The following EPB41L5 variants were observed in gnomAD, a reference collection of about 807,000 sequenced individuals.
EPB41L5 encodes the protein erythrocyte membrane protein band 4.1 like 5, also known as band 4.1-like protein 5.
EPB41L5 carries 55 observed loss-of-function variants against 106.6 expected under a neutral mutation model. The observed-to-expected ratio is 0.52, with a 90% CI of 0.42 to 0.65. EPB41L5 has a LOEUF of 0.65. Ranked by LOEUF, EPB41L5 falls within the 30% of genes least tolerant of loss-of-function variation. The pLI is 0.00. For missense variants in EPB41L5, 871 were observed against 882.1 expected (o/e 0.99, Z 0.16); for synonymous variants, 297 against 306.7 (o/e 0.97, Z 0.33).
At chr2:120,075,050 A>C (rs1164915278) in intron 5 of EPB41L5, among the ~76,000 whole-genome samples, 4 of 151,128 alleles carry the variant, frequency 2.6e-5, no homozygotes. Context: ...CTGGTCTTGA[A>C]CTCCTGGCCT....
intron 16 of EPB41L5, among the ~76,000 whole-genome samples, chr2:120,116,763 A>G (rs575819329): frequency 6.6e-6 from 1 of 152,170 alleles, no homozygotes; most frequent in East Asian, 1.9e-4. Flanking sequence ...CCTGAGCTCA[A>G]GTGATCCTCC....
chr2:120,064,256 C>A (rs1681292339), intron 3 of EPB41L5, among the ~76,000 whole-genome samples: 1 of 152,202 alleles, frequency 6.6e-6, no homozygotes, highest in Non-Finnish European at 1.5e-5. Context: ...AGAGCATAAA[C>A]CTCTACTCAC....
rs544300011 is a variant in EPB41L5 at position 120,175,442 on chromosome 2, A to G, written c.*535A>G. On this transcript the variant is annotated 3_prime_UTR_variant, in exon 25 of 25. Coordinates refer to ENST00000263713, the MANE Select transcript of EPB41L5 (RefSeq NM_020909.4). ...ACTTTTTTTTTTTTTTACAATTATT[A>G]CAACACTAAAGAGAAGTTTAGAATA... 1 of 153,022 alleles carries G rather than the reference A, an allele frequency of 6.5e-6. No individual in the cohort carries two copies. Among genetic ancestry groups the G allele is most frequent in the Non-Finnish European group, 1.5e-5 (1 of 68,864 alleles). The allele number at this position is 153,022 out of a possible 1,614,324, so 9.5% of individuals were successfully genotyped here.
At chr2:120,081,071 C>G (rs957346103) in intron 10 of EPB41L5, among the ~76,000 whole-genome samples, 3 of 152,096 alleles carry the variant, frequency 2.0e-5, no homozygotes, top group African/African-American at 7.2e-5. Flanking sequence ...CCTGTTCACT[C>G]TGATGTAGTT....
At position 120,104,916 on chromosome 2, in the gene EPB41L5, A is replaced by G. The variant is rs567655351; in HGVS notation, c.1337+4102A>G. 2.0e-5 allele frequency: 20 copies of G among 976,508 alleles called. No homozygotes were observed. The Admixed American group carries it at 3.1e-4, about 15-fold the overall frequency. The allele number at this position is 976,508 out of a possible 1,614,324, so 60.5% of individuals were successfully genotyped here. A position where few individuals can be genotyped will look rare whatever the true frequency, so the allele number is the denominator to read the frequency against. ...GTTAACTGATTAACATTCAGTTATC[A>G]TAACAGTTAACCAGTGGTTAACTGA... is the stretch of plus-strand genomic sequence containing the variant. On this transcript the variant is annotated intron_variant, in intron 16 of 24. Coordinates refer to ENST00000263713, the MANE Select transcript of EPB41L5 (RefSeq NM_020909.4).
At position 120,148,499 on chromosome 2, in the gene EPB41L5, C is replaced by T. The variant is rs371610848; in HGVS notation, c.1793+2210C>T. ...TACCTAAAGTCTGCAAACACTTTAC[C>T]CATTAGCAGTCACTCCATATTCTGC... On this transcript the variant is annotated intron_variant, in intron 20 of 24. Transcript: ENST00000263713. Among the ~76,000 whole-genome samples, 45 of 152,100 alleles carry T rather than the reference C, an allele frequency of 3.0e-4. 1 individual carries two copies. In the East Asian group the frequency reaches 3.5e-3, roughly 12 times the overall value.
intron 24 of EPB41L5, among the ~76,000 whole-genome samples, chr2:120,170,917 A>C (rs954952454): frequency 6.6e-6 from 1 of 152,218 alleles, no homozygotes; most frequent in Non-Finnish European, 1.5e-5. Flanking sequence ...TTCATATTCT[A>C]CATGCTGATT....
intron 3 of EPB41L5, among the ~76,000 whole-genome samples, chr2:120,049,156 G>T (rs1680039013): frequency 6.6e-6 from 1 of 152,178 alleles, no homozygotes; most frequent in Non-Finnish European, 1.5e-5. Flanking sequence ...GGGGTGGAGA[G>T]TTCTGCAGAT....
At chr2:120,083,180 C>T (rs1682807833) in intron 10 of EPB41L5, among the ~76,000 whole-genome samples, 1 of 152,128 alleles carries the variant, frequency 6.6e-6, no homozygotes, top group African/African-American at 2.4e-5. Context: ...TTCTCTAGTT[C>T]TTTTAATTGT....
chr2:120,097,929 CA>C (rs1441709118), intron 14 of EPB41L5, among the ~76,000 whole-genome samples: 3 of 152,124 alleles, frequency 2.0e-5, no homozygotes, highest in Admixed American at 6.5e-5. Context: ...TCTTATTGAT[CA>C]CCTACTAAAG....
chr2:120,070,734 A>G (rs7600296), intron 3 of EPB41L5, among the ~76,000 whole-genome samples: 8 of 152,216 alleles, frequency 5.3e-5, no homozygotes, highest in African/African-American at 1.9e-4. Flanking sequence ...CAATGACAAA[A>G]ACCACATGAT....
chr2:120,106,821 T>G (rs1465824452), intron 16 of EPB41L5: 1 of 985,242 alleles, frequency 1.0e-6, no homozygotes, highest in Admixed American at 6.2e-5. Flanking sequence ...TTACCTATCT[T>G]GGAGTAAGAT....
intron 10 of EPB41L5, among the ~76,000 whole-genome samples, chr2:120,083,304 G>C (rs1682816915): frequency 6.6e-6 from 1 of 152,130 alleles, no homozygotes; most frequent in African/African-American, 2.4e-5. Context: ...GGTATGTTGT[G>C]TCTTTGTTCT....
chr2:120,105,488 G>T, intron 16 of EPB41L5: 1 of 985,238 alleles, frequency 1.0e-6, no homozygotes, highest in Non-Finnish European at 1.2e-6. Flanking sequence ...GCTTAATACT[G>T]GACTATTGGT....
At chr2:120,093,214 A>G (rs777674691) in intron 13 of EPB41L5, 35 bp from the exon 14 acceptor site, 1 of 1,592,562 alleles carries the variant, frequency 6.3e-7, no homozygotes, top group Non-Finnish European at 8.6e-7. Context: ...ATGTAAGATG[A>G]AACTAATGAG....
In EPB41L5 at chr2:120,159,967, AAC is replaced by A. The variant is rs531792538; in HGVS notation, c.1794-910_1794-909del. 2.7e-3 allele frequency among the ~76,000 whole-genome samples: 404 copies of A among 152,344 alleles called. 2 individuals carry two copies. The highest frequency in any genetic ancestry group is 9.3e-3 in the African/African-American group (385 of 41,574). The stretch of plus-strand genomic sequence containing the variant: ...TGGAGGCCATTATCCTTAGCAAACT[AAC>A]ACAGGAACAGAAAACCAAATACTGC... On this transcript the variant is annotated intron_variant, in intron 20 of 24. Transcript: ENST00000263713.
chr2:120,041,702 A>T (rs1002550689), intron 2 of EPB41L5, among the ~76,000 whole-genome samples: 2 of 152,178 alleles, frequency 1.3e-5, no homozygotes, highest in African/African-American at 4.8e-5. Context: ...CTAAAAATTG[A>T]TTACAACACA....
intron 11 of EPB41L5, among the ~76,000 whole-genome samples, chr2:120,088,678 A>G (rs886584109): frequency 6.6e-6 from 1 of 152,208 alleles, no homozygotes; most frequent in Non-Finnish European, 1.5e-5. Flanking sequence ...ACCTCTTTCC[A>G]AAGTATTTAA....
chr2:120,029,048 G>A (rs1016522004), intron 2 of EPB41L5, among the ~76,000 whole-genome samples: 9 of 152,186 alleles, frequency 5.9e-5, no homozygotes, highest in Admixed American at 3.9e-4. Flanking sequence ...ATTGCTATGA[G>A]ATTTGGCAAT....
Sources: gnomAD v4.1 joint callset for allele counts (sites outside exome capture counted in the v4.1 genomes callset) on GRCh38, gnomAD v4.1.1 for gene constraint, MANE v1.5 for transcripts, NCBI Gene and HGNC (gene_info 2026-07-23, HGNC 2026-07-21) for gene names.